The following SYNPO2 variants were observed in gnomAD, a reference collection of about 807,000 sequenced individuals.
SYNPO2 encodes synaptopodin 2.
SYNPO2 carries 56 observed loss-of-function variants against 85.0 expected under a neutral mutation model. The ratio of observed to expected loss-of-function variants is 0.66; its 90% confidence interval spans 0.53 to 0.82. The LOEUF is 0.82. Among genes scored for constraint, SYNPO2 ranks in the 40% least tolerant of loss-of-function variants. The pLI is 0.00. For synonymous variants in SYNPO2, 602 were observed against 591.1 expected (o/e 1.02, Z -0.27); for missense variants, 1,575 against 1,534.2 (o/e 1.03, Z -0.44).
chr4:119,040,040 C>T (rs1287856334), intron 4 of SYNPO2, among the ~76,000 whole-genome samples: 1 of 152,128 alleles, frequency 6.6e-6, no homozygotes, highest in African/African-American at 2.4e-5. Context: ...AATACCTCAG[C>T]TGTGAAACGA....
intron 1 of SYNPO2, among the ~76,000 whole-genome samples, chr4:118,859,474 T>C (rs1011520960): frequency 6.6e-6 from 1 of 152,202 alleles, no homozygotes; most frequent in African/African-American, 2.4e-5. Context: ...TTTTTTACTC[T>C]AGTCACCTTG....
rs7698598 is a variant in SYNPO2, at chr4:119,030,492, A to G, written c.1717A>G (p.Thr573Ala). ...HVPQQNGFSG[T>A]SETANIQRMV... ...TCCCCAACAGAATGGCTTCAGTGGG[A>G]CATCTGAGACAGCAAACATCCAGAG... is the stretch of plus-strand genomic sequence containing the variant. The change falls in exon 4 of 5, where the codon ACA (threonine) becomes GCA (alanine). Residue 573 changes from threonine to alanine, a missense_variant. Thr to Ala is a moderately conservative substitution (Grantham distance 58). Transcript: ENST00000307142. 0.86 allele frequency: 1,386,493 copies of G among 1,613,934 alleles called. 596,283 individuals are homozygous for G. The highest frequency in any genetic ancestry group is 0.88 in the Admixed American group (52,698 of 60,000).
At chr4:118,856,544 T>C (rs1205789167) in intron 1 of SYNPO2, among the ~76,000 whole-genome samples, 1 of 152,204 alleles carries the variant, frequency 6.6e-6, no homozygotes, top group Non-Finnish European at 1.5e-5. Context: ...TTTATGTTTA[T>C]TGACTTTTTT....
intron 1 of SYNPO2, among the ~76,000 whole-genome samples, chr4:118,868,045 A>AT (rs201442989): frequency 7.6e-6 from 1 of 130,798 alleles, no homozygotes; most frequent in African/African-American, 2.8e-5. Flanking sequence ...CCCTCCTTTC[A>AT]TTTAAAAAAA....
intron 1 of SYNPO2, among the ~76,000 whole-genome samples, chr4:119,022,724 A>AATTTT (rs1553947324): frequency 1.9e-4 from 27 of 142,298 alleles, no homozygotes; most frequent in South Asian, 8.7e-4. Flanking sequence ...ATTTTATTTT[A>AATTTT]ATTTTATTTT....
Position 119,031,351 on chromosome 4 carries a change from T to C in SYNPO2, c.2576T>C (p.Val859Ala). 1 of 1,614,154 alleles carries C rather than the reference T, an allele frequency of 6.2e-7. No homozygotes were observed. Among genetic ancestry groups the C allele is most frequent in the East Asian group, 2.2e-5 (1 of 44,882 alleles). Residue 859 changes from valine to alanine, a missense_variant, in exon 4 of 5, where the codon GTG (valine) becomes GCG (alanine). By Grantham distance (64) the Val-to-Ala change is moderately conservative. This residue lies in a region of SYNPO2 where 1,508 missense variants were observed against 1,446.8 expected (regional missense o/e 1.04). Coordinates refer to ENST00000307142, the MANE Select transcript of SYNPO2 (RefSeq NM_133477.3). ...GTCAATGCTGTTCAGCCTGGTGCAG[T>C]GGGACCATCCAATGAGCTTCCAGGA... ...PTVNAVQPGAVGPSNELPGMS... is the reference protein window; with the variant it reads ...PTVNAVQPGAAGPSNELPGMS...
chr4:118,979,648 T>C (rs1272333542), intron 1 of SYNPO2, among the ~76,000 whole-genome samples: 1 of 152,216 alleles, frequency 6.6e-6, no homozygotes. Context: ...TGGTTGGATA[T>C]CCTTTCATTA....
rs1382167212 is a variant in SYNPO2, at chr4:119,058,690, G to C, written c.*756G>C. On this transcript the variant is annotated 3_prime_UTR_variant, in exon 5 of 5. Transcript: ENST00000307142. ...AAGTTTCACCATGTTGGTCAGACTG[G>C]TCTTGAACTCCTGACCTCGTGATCT... is the stretch of plus-strand genomic sequence containing the variant. 6.6e-6 allele frequency: 1 copy of C among 151,820 alleles called. No individual in the cohort carries two copies. The highest frequency in any genetic ancestry group is 1.5e-5 in the Non-Finnish European group (1 of 68,008). 9.4% of individuals were successfully genotyped at this position (151,820 alleles called of 1,614,324 possible). A position where few individuals can be genotyped will look rare whatever the true frequency, so the allele number is the denominator to read the frequency against.
intron 1 of SYNPO2, among the ~76,000 whole-genome samples, chr4:118,979,989 G>A (rs927000135): frequency 6.6e-4 from 100 of 152,256 alleles, no homozygotes; most frequent in Middle Eastern, 3.4e-3. Context: ...CCACACTTGT[G>A]TTATCTTTAA....
chr4:118,952,422 G>A (rs1249854765), intron 1 of SYNPO2, among the ~76,000 whole-genome samples: 1 of 151,736 alleles, frequency 6.6e-6, no homozygotes, highest in Non-Finnish European at 1.5e-5. Flanking sequence ...GGGTACATGT[G>A]CACAATGTGC....
At chr4:118,970,990 G>C (rs1735519789) in intron 1 of SYNPO2, among the ~76,000 whole-genome samples, 1 of 152,120 alleles carries the variant, frequency 6.6e-6, no homozygotes, top group East Asian at 1.9e-4. Context: ...CCTTAGACAG[G>C]CTTGTTGTTA....
At chr4:119,023,662 G>T in intron 2 of SYNPO2, 81 bp downstream of exon 2, 1 of 1,403,450 alleles carries the variant, frequency 7.1e-7, no homozygotes, top group Admixed American at 2.4e-5. Flanking sequence ...TATATAACTT[G>T]TCATTTATGG....
chr4:118,900,701 CTCTATATATATATA>C (rs1236485309), intron 1 of SYNPO2, among the ~76,000 whole-genome samples: 83 of 27,172 alleles, frequency 3.1e-3, no homozygotes, highest in South Asian at 0.025. Flanking sequence ...CTCTCTCTCT[CTCTATATATATATA>C]TATATATATA....
intron 1 of SYNPO2, among the ~76,000 whole-genome samples, chr4:118,865,210 A>G (rs1274006675): frequency 6.6e-6 from 1 of 152,222 alleles, no homozygotes; most frequent in Non-Finnish European, 1.5e-5. Flanking sequence ...ACGCACTGGA[A>G]TCAGCAGCTG....
At chr4:119,025,630 C>T (rs1737905874) in intron 2 of SYNPO2, among the ~76,000 whole-genome samples, 2 of 152,018 alleles carry the variant, frequency 1.3e-5, no homozygotes, top group South Asian at 2.1e-4. Flanking sequence ...CTTCAGCTGA[C>T]GTGCCTGCAT....
intron 4 of SYNPO2, among the ~76,000 whole-genome samples, chr4:119,054,416 G>A (rs1739146334): frequency 6.6e-6 from 1 of 152,146 alleles, no homozygotes; most frequent in South Asian, 2.1e-4. Context: ...CCGGCGTCCA[G>A]GAAGAATGAG....
intron 4 of SYNPO2, among the ~76,000 whole-genome samples, chr4:119,056,258 A>G (rs191580557): frequency 2.5e-4 from 38 of 152,314 alleles, no homozygotes; most frequent in African/African-American, 8.2e-4. Context: ...GTTTCATTAA[A>G]TTATATTGCT....
At chr4:119,050,028 T>A (rs1213475562) in intron 4 of SYNPO2, among the ~76,000 whole-genome samples, 1 of 152,152 alleles carries the variant, frequency 6.6e-6, no homozygotes, top group Non-Finnish European at 1.5e-5. Flanking sequence ...TGAATCTTTT[T>A]TTTAAAAAAA....
intron 1 of SYNPO2, among the ~76,000 whole-genome samples, chr4:118,866,551 G>A (rs1444317326): frequency 6.6e-6 from 1 of 152,172 alleles, no homozygotes; most frequent in African/African-American, 2.4e-5. Context: ...GTACTCCTTT[G>A]TGGGAGTTTT....
Sources: allele counts gnomAD v4.1 joint callset (sites outside exome capture counted in the v4.1 genomes callset), GRCh38; gene constraint gnomAD v4.1.1; regional missense constraint gnomAD v4.1.1; transcripts MANE v1.5; gene names NCBI Gene and HGNC (gene_info 2026-07-23, HGNC 2026-07-21).